TACC1: variants seen among roughly 807,000 people sequenced by gnomAD.
TACC1 encodes the protein transforming acidic coiled-coil containing protein 1, also known as transforming acidic coiled-coil-containing protein 1.
A neutral mutation model predicts 84.4 loss-of-function variants in TACC1; 48 were observed. The ratio of observed to expected loss-of-function variants is 0.57; its 90% CI spans 0.45 to 0.72. The LOEUF (loss-of-function observed/expected upper bound fraction) is 0.72, where lower values mean the gene tolerates loss of function less well. Ranked by LOEUF, TACC1 falls within the 30% of genes least tolerant of loss-of-function variation. TACC1 has a pLI of 0.00. For synonymous variants in TACC1, 372 were observed against 376.3 expected (o/e 0.99, Z 0.13); for missense variants, 920 against 973.0 (o/e 0.95, Z 0.72).
At chr8:38,786,960 C>A (rs1036661375), upstream of TACC1, among the ~76,000 whole-genome samples, 1 of 152,110 alleles carries the variant, frequency 6.6e-6, no homozygotes, top group Non-Finnish European at 1.5e-5. Context: ...GGACAGCGTG[C>A]CCCGGCTCAG....
In TACC1 at chr8:38,788,759, C is replaced by T; in HGVS notation, c.217C>T (p.Pro73Ser). The change falls in exon 2 of 13, where the codon CCT becomes TCT. Residue 73 changes from proline (P) to serine (S), a missense_variant. Transcript: ENST00000317827. ...TGAAGCTGAAACCCCGATCCGATCA[C>T]CTTTCAAGGAGTCCTGTGATCCATC... ...TPEAETPIRS[P>S]FKESCDPSLG... The T allele has an allele frequency of 1.2e-6, 2 of 1,614,088 alleles. No individual in the cohort carries two copies. The highest frequency in any genetic ancestry group is 1.1e-5 in the South Asian group (1 of 91,050).
intron 5 of TACC1, chr8:38,827,663 T>C: frequency 2.5e-6 from 1 of 407,356 alleles, no homozygotes; most frequent in South Asian, 2.7e-5. Flanking sequence ...TATCTTAAAG[T>C]ATAGTGGTGT....
chr8:38,764,228 C>T (rs1047907396), intron 3 of TACC1, among the ~76,000 whole-genome samples: 7 of 152,214 alleles, frequency 4.6e-5, no homozygotes, highest in African/African-American at 1.7e-4. Context: ...CAGGCGCCCA[C>T]CACCATGCCC....
intron 2 of TACC1, among the ~76,000 whole-genome samples, chr8:38,813,575 A>G (rs1824739465): frequency 1.3e-5 from 2 of 152,184 alleles, no homozygotes; most frequent in South Asian, 2.1e-4. Context: ...TTATGCCACC[A>G]TGGGTTGTAT....
Position 38,819,630 on chromosome 8 carries a change from C to A in TACC1, c.386C>A (p.Ser129Tyr), listed in dbSNP as rs772119281. The change falls in exon 3 of 13, where the codon TCT becomes TAT. Residue 129 changes from serine (S) to tyrosine (Y), a missense_variant. Physicochemically the swap from Ser to Tyr is moderately radical, Grantham distance 144. Around this residue, in one of 2 missense-constraint regions of TACC1, gnomAD observed 762 missense variants for 747.3 expected, o/e 1.02. Coordinates refer to ENST00000317827, the MANE Select transcript of TACC1 (RefSeq NM_006283.3). Reference protein sequence around the residue: ...ENEVPQQAIDSHSVKNFREEP... With the variant: ...ENEVPQQAIDYHSVKNFREEP... ...GAAGTGCCACAGCAGGCCATTGACT[C>A]TCACTCAGTCAAGAATTTCAGAGAA... is the stretch of plus-strand genomic sequence containing the variant. The A allele has an allele frequency of 3.1e-6, 5 of 1,614,218 alleles. No individual in the cohort carries two copies. In the South Asian group the frequency reaches 4.4e-5, roughly 14 times the overall value.
intron 6 of TACC1, 44 bp from the exon 7 acceptor site, chr8:38,836,118 G>C: frequency 6.2e-7 from 1 of 1,606,440 alleles, no homozygotes; most frequent in Non-Finnish European, 8.5e-7. Context: ...CTGGGGTTAA[G>C]AAGCTGAAAG....
At chr8:38,793,525 A>G (rs916663352) in intron 2 of TACC1, among the ~76,000 whole-genome samples, 1 of 152,116 alleles carries the variant, frequency 6.6e-6, no homozygotes, top group African/African-American at 2.4e-5. Context: ...GGTGGACTGT[A>G]TGGTTTGTGA....
In TACC1 at chr8:38,852,236, AACT is replaced by A. The variant is rs1183841887; in HGVS notation, c.*4215_*4217del. On this transcript the variant is annotated 3_prime_UTR_variant, in exon 13 of 13. Coordinates refer to ENST00000317827, the MANE Select transcript of TACC1 (RefSeq NM_006283.3). ...AAGATTCCTAAGGAATGACTTTATT[AACT>A]ATAATATGGTTACAGCTATTATATA... The A allele has an allele frequency of 3.5e-6, 1 of 282,976 alleles. No homozygotes were observed. The highest frequency in any genetic ancestry group is 2.2e-5 in the African/African-American group (1 of 45,690). The allele number at this position is 282,976 out of a possible 1,614,324, so 17.5% of individuals were successfully genotyped here.
At chr8:38,786,210 C>T (rs1311015799), upstream of TACC1, among the ~76,000 whole-genome samples, 2 of 152,108 alleles carry the variant, frequency 1.3e-5, no homozygotes, top group Non-Finnish European at 2.9e-5. Context: ...TTGAGGCAAT[C>T]GATTCACTTG....
chr8:38,839,648 A>C (rs1830844368), intron 8 of TACC1: 1 of 235,352 alleles, frequency 4.2e-6, no homozygotes, highest in South Asian at 1.8e-4. Flanking sequence ...GATGCGACTC[A>C]CAGAGCACCC....
chr8:38,794,932 C>T (rs2152036147), intron 2 of TACC1, among the ~76,000 whole-genome samples: 1 of 152,292 alleles, frequency 6.6e-6, no homozygotes, highest in Non-Finnish European at 1.5e-5. Flanking sequence ...GCTGTGATTG[C>T]CTCTTCCACA....
At chr8:38,832,445 A>G (rs952823874) in intron 6 of TACC1, among the ~76,000 whole-genome samples, 1 of 152,256 alleles carries the variant, frequency 6.6e-6, no homozygotes, top group Non-Finnish European at 1.5e-5. Flanking sequence ...ACTTCCCAAC[A>G]TAAATTAATT....
chr8:38,806,024 T>C (rs745825669), intron 2 of TACC1, among the ~76,000 whole-genome samples: 32 of 152,254 alleles, frequency 2.1e-4, no homozygotes, highest in Middle Eastern at 3.4e-3. Flanking sequence ...GAGGCTTGCT[T>C]AGTATAAGAC....
chr8:38,826,209 G>C (rs1828011664), intron 4 of TACC1, among the ~76,000 whole-genome samples: 1 of 152,048 alleles, frequency 6.6e-6, no homozygotes, highest in Non-Finnish European at 1.5e-5. Context: ...GGTGTGATGG[G>C]GGAAATTTAC....
At chr8:38,738,200 A>G (rs1806360915) in intron 1 of TACC1, among the ~76,000 whole-genome samples, 1 of 152,060 alleles carries the variant, frequency 6.6e-6, no homozygotes, top group Non-Finnish European at 1.5e-5. Context: ...TAGGAGTTCA[A>G]GACCAGCCTG....
At chr8:38,755,595 T>C (rs1809848096) in intron 3 of TACC1, among the ~76,000 whole-genome samples, 1 of 151,780 alleles carries the variant, frequency 6.6e-6, no homozygotes, top group Non-Finnish European at 1.5e-5. Flanking sequence ...TCCCAGCTGC[T>C]GAAAAGGCTG....
chr8:38,742,218 G>A (rs1361247661), intron 1 of TACC1: 3 of 434,758 alleles, frequency 6.9e-6, no homozygotes, highest in African/African-American at 6.0e-5. Flanking sequence ...AGAAAACGGT[G>A]ACACACAGAG....
intron 9 of TACC1, among the ~76,000 whole-genome samples, chr8:38,840,835 A>C (rs1831125342): frequency 6.6e-6 from 1 of 152,130 alleles, no homozygotes. Flanking sequence ...GGATCACCTG[A>C]GGTTGAGAGT....
intron 3 of TACC1, among the ~76,000 whole-genome samples, chr8:38,757,895 T>A (rs1810426983): frequency 6.6e-6 from 1 of 152,198 alleles, no homozygotes; most frequent in Non-Finnish European, 1.5e-5. Flanking sequence ...AAGGGTTTCA[T>A]GATGATCTCA....
Sources: gnomAD v4.1 joint callset for allele counts (sites outside exome capture counted in the v4.1 genomes callset) on GRCh38, gnomAD v4.1.1 for gene constraint, gnomAD v4.1.1 regional missense constraint, MANE v1.5 for transcripts, NCBI Gene and HGNC (gene_info 2026-07-23, HGNC 2026-07-21) for gene names.